Variants in R3HDM1 observed in about 807,000 individuals in gnomAD.
R3HDM1 encodes the protein R3H domain-containing protein 1.
In R3HDM1, 46 loss-of-function variants were observed where a neutral mutation model predicts 141.1. The observed-to-expected ratio is 0.33, with a 90% CI of 0.26 to 0.42. The LOEUF (loss-of-function observed/expected upper bound fraction) is 0.42. Ranked by LOEUF, R3HDM1 falls within the 10% of genes least tolerant of loss-of-function variation. The probability of loss-of-function intolerance (pLI) is 1.00; values close to 1 mark genes in which losing one functional copy is unlikely to be tolerated. For missense variants in R3HDM1, 1,184 were observed against 1,368.3 expected (o/e 0.87, Z 2.12); for synonymous variants, 435 against 472.9 (o/e 0.92, Z 1.04).
At chr2:135,685,181 C>G (rs953574530) in intron 21 of R3HDM1, among the ~76,000 whole-genome samples, 1 of 152,058 alleles carries the variant, frequency 6.6e-6, no homozygotes, top group Non-Finnish European at 1.5e-5. Flanking sequence ...AATATTATGT[C>G]ATCCTGGCAG....
chr2:135,669,231 T>C (rs1347625208), intron 19 of R3HDM1: 1 of 985,312 alleles, frequency 1.0e-6, no homozygotes, highest in Non-Finnish European at 1.2e-6. Flanking sequence ...AGGGAAGGAC[T>C]GTTCCTCCCA....
chr2:135,684,400 T>TTAAGAAA (rs2070974528), intron 21 of R3HDM1, among the ~76,000 whole-genome samples: 1 of 152,202 alleles, frequency 6.6e-6, no homozygotes, highest in African/African-American at 2.4e-5. Context: ...AACATATTTC[T>TTAAGAAA]TAAATGTCAA....
chr2:135,692,410 G>A (rs2072554164), intron 21 of R3HDM1, among the ~76,000 whole-genome samples: 1 of 152,078 alleles, frequency 6.6e-6, no homozygotes, highest in South Asian at 2.1e-4. Context: ...GACCACCCTG[G>A]CCAACAGGGC....
intron 1 of R3HDM1, among the ~76,000 whole-genome samples, chr2:135,569,732 G>GT (rs201670372): frequency 0.041 from 5,540 of 136,192 alleles, 166 homozygotes; most frequent in African/African-American, 0.059. Context: ...TTTTTTTGTT[G>GT]TTGTTTTTTT....
chr2:135,597,263 G>A (rs1443695284), intron 1 of R3HDM1: 14 of 978,394 alleles, frequency 1.4e-5, no homozygotes, highest in Non-Finnish European at 1.7e-5. Context: ...TTAGGTCAAG[G>A]GAGTTCATTC....
chr2:135,555,335 C>T (rs564185662), intron 1 of R3HDM1, among the ~76,000 whole-genome samples: 3 of 151,666 alleles, frequency 2.0e-5, no homozygotes, highest in Non-Finnish European at 2.9e-5. Flanking sequence ...GTCATCTGTC[C>T]TGACGGAAAT....
rs571592261 is a variant in R3HDM1, at chr2:135,715,473, G to A, written c.2737-77G>A. 72 of 1,461,460 alleles carry A rather than the reference G, an allele frequency of 4.9e-5. No homozygotes were observed. In the East Asian group the frequency reaches 1.2e-3, roughly 24 times the overall value. 90.5% of individuals were successfully genotyped at this position (1,461,460 alleles called of 1,614,324 possible). A position where few individuals can be genotyped will look rare whatever the true frequency, so the allele number is the denominator to read the frequency against. Reference sequence around the variant, plus strand: ...GTTTGAATTATTTTCTAACAAGTACGTATATGTAATCAGGAAGAATAAAAA... The same window carrying A: ...GTTTGAATTATTTTCTAACAAGTACATATATGTAATCAGGAAGAATAAAAA... On this transcript the variant is annotated intron_variant, in intron 23 of 26. Transcript: ENST00000683871.
rs369973406 is a variant in R3HDM1, at chr2:135,722,688, G to C, written c.3049+135G>C. ...ATAATTTTTGCCATCTCTGATTTAG[G>C]GTTCTTGGATATGTTCCTATGACCT... is the stretch of plus-strand genomic sequence containing the variant. On this transcript the variant is annotated intron_variant, in intron 26 of 26. Coordinates refer to ENST00000683871, the MANE Select transcript of R3HDM1 (RefSeq NM_001378107.1). The C allele has an allele frequency of 1.8e-5, 14 of 796,432 alleles. No individual in the cohort carries two copies. The South Asian group carries it at 2.2e-4, about 12-fold the overall frequency. The allele number at this position is 796,432 out of a possible 1,614,324, so 49.3% of individuals were successfully genotyped here. A position where few individuals can be genotyped will look rare whatever the true frequency, so the allele number is the denominator to read the frequency against.
chr2:135,695,612 G>C (rs751085812), intron 21 of R3HDM1, among the ~76,000 whole-genome samples: 1 of 152,166 alleles, frequency 6.6e-6, no homozygotes, highest in African/African-American at 2.4e-5. Flanking sequence ...AAAGCAGCCA[G>C]AGGGGGAAAA....
chr2:135,607,212 C>A (rs1376524675), intron 3 of R3HDM1: 1 of 497,570 alleles, frequency 2.0e-6, no homozygotes, highest in Non-Finnish European at 2.6e-6. Context: ...TGGTCTCGAT[C>A]TCTTGACCTC....
intron 7 of R3HDM1, among the ~76,000 whole-genome samples, chr2:135,625,030 C>CT (rs1673808375): frequency 6.6e-6 from 1 of 152,094 alleles, no homozygotes; most frequent in Non-Finnish European, 1.5e-5. Context: ...TGAGGCTGCA[C>CT]TGAGCTATGA....
chr2:135,680,575 GC>G (rs1384274610), intron 21 of R3HDM1, among the ~76,000 whole-genome samples: 1 of 152,212 alleles, frequency 6.6e-6, no homozygotes, highest in African/African-American at 2.4e-5. Flanking sequence ...TTCAAAACCA[GC>G]CTGGCCAACA....
intron 20 of R3HDM1, among the ~76,000 whole-genome samples, chr2:135,676,453 T>G (rs527798226): frequency 1.0e-3 from 152 of 152,242 alleles, no homozygotes; most frequent in Admixed American, 2.4e-3. Flanking sequence ...ATTTATGGAG[T>G]AACTTGCAAG....
At chr2:135,552,909 C>T (rs1013384612) in intron 1 of R3HDM1, among the ~76,000 whole-genome samples, 3 of 151,900 alleles carry the variant, frequency 2.0e-5, no homozygotes, top group Non-Finnish European at 4.4e-5. Context: ...CAGGCCCTCA[C>T]TCTGTTGCCC....
chr2:135,639,157 C>G (rs1207238106), intron 14 of R3HDM1, 35 bp downstream of exon 14: 4 of 1,582,914 alleles, frequency 2.5e-6, no homozygotes, highest in Non-Finnish European at 3.5e-6. Context: ...GCAGTCAAGT[C>G]ATTAGTTTTC....
intron 21 of R3HDM1, among the ~76,000 whole-genome samples, chr2:135,694,836 A>G (rs531173515): frequency 1.3e-5 from 2 of 152,166 alleles, no homozygotes; most frequent in South Asian, 4.1e-4. Flanking sequence ...TGCAAACACT[A>G]CTTGAGGCCA....
intron 1 of R3HDM1, chr2:135,587,145 G>T (rs148980583): frequency 2.8e-6 from 1 of 362,762 alleles, no homozygotes; most frequent in Non-Finnish European, 3.8e-6. Context: ...TTTTTGAGGA[G>T]TATCTTATTC....
chr2:135,596,884 T>A (rs2059241393), intron 1 of R3HDM1: 3 of 347,690 alleles, frequency 8.6e-6, no homozygotes, highest in African/African-American at 2.2e-5. Context: ...TCCCTTTGTA[T>A]AAGGCGTTTC....
chr2:135,661,221 A>G, intron 18 of R3HDM1, 49 bp from the exon 19 acceptor site: 2 of 1,603,446 alleles, frequency 1.2e-6, no homozygotes, highest in South Asian at 1.1e-5. Context: ...AGAAAAACAT[A>G]TGTAATGCAA....
Sources: gnomAD v4.1 joint callset for allele counts (sites outside exome capture counted in the v4.1 genomes callset) on GRCh38, gnomAD v4.1.1 for gene constraint, MANE v1.5 for transcripts, NCBI Gene and HGNC (gene_info 2026-07-23, HGNC 2026-07-21) for gene names.